The following DIP2A variants were observed in gnomAD, a reference collection of about 807,000 sequenced individuals.
DIP2A encodes the protein DIP2 acetate--CoA ligase A, also known as disco-interacting protein 2 homolog A.
Under a neutral mutation model 177.4 loss-of-function variants are expected in DIP2A, and 85 were observed. The observed-to-expected ratio is 0.48, with a 90% CI of 0.40 to 0.57. The LOEUF (loss-of-function observed/expected upper bound fraction) is 0.57. DIP2A is among the 20% of genes least tolerant of loss of function. DIP2A has a pLI of 0.00. For synonymous variants in DIP2A, 886 were observed against 881.8 expected (o/e 1.00, Z -0.08); for missense variants, 1,791 against 2,100.2 (o/e 0.85, Z 2.88).
At chr21:46,553,668 A>G (rs2060352389) in intron 25 of DIP2A, 1 of 154,286 alleles carries the variant, frequency 6.5e-6, no homozygotes, top group African/African-American at 2.4e-5. Flanking sequence ...ATGTTTGCTT[A>G]TCGCTTATTA....
At chr21:46,543,420 C>T (rs1312116341) in intron 18 of DIP2A, among the ~76,000 whole-genome samples, 3 of 152,108 alleles carry the variant, frequency 2.0e-5, no homozygotes, top group Admixed American at 6.5e-5. Flanking sequence ...TAGGCGTGCA[C>T]GCAGCACACC....
chr21:46,551,886 C>T lies in DIP2A; in HGVS notation c.3012C>T (p.Phe1004=). The change falls in exon 25 of 38, where the codon TTC becomes TTT. Residue 1004 remains phenylalanine, a synonymous_variant. Coordinates refer to ENST00000417564, the MANE Select transcript of DIP2A (RefSeq NM_015151.4). The part of the protein sequence containing the change: ...RAHTTPDHPL[F]LLLNAKGTVT... ...ACACCACTCCTGACCACCCGCTGTT[C>T]TTGCTGCTGAACGCCAAGGTGAGGC... 1 of 1,607,720 alleles carries T rather than the reference C, an allele frequency of 6.2e-7. No individual in the cohort carries two copies. Among genetic ancestry groups the T allele is most frequent in the Non-Finnish European group, 8.5e-7 (1 of 1,177,388 alleles).
chr21:46,499,813 G>A (rs1800101803), intron 5 of DIP2A, among the ~76,000 whole-genome samples: 1 of 151,966 alleles, frequency 6.6e-6, no homozygotes, highest in Admixed American at 6.6e-5. Flanking sequence ...TTTCCCAGAT[G>A]AGGAAGGAAG....
At chr21:46,554,018 C>T in intron 25 of DIP2A, 151 bp from the exon 26 acceptor site, 1 of 1,064,256 alleles carries the variant, frequency 9.4e-7, no homozygotes, top group Non-Finnish European at 1.3e-6. Context: ...AAGACACCAG[C>T]CGTACGTCTA....
chr21:46,553,808 C>T (rs2148879314), intron 25 of DIP2A: 1 of 177,274 alleles, frequency 5.6e-6, no homozygotes, highest in East Asian at 1.4e-4. Context: ...TGGGACCACA[C>T]AGGAGATACT....
chr21:46,465,590 T>C (rs767916575), intron 1 of DIP2A, among the ~76,000 whole-genome samples: 1 of 152,076 alleles, frequency 6.6e-6, no homozygotes, highest in Non-Finnish European at 1.5e-5. Flanking sequence ...CCAAAAGCAG[T>C]AATAGGGAAA....
intron 13 of DIP2A, among the ~76,000 whole-genome samples, chr21:46,534,973 T>C (rs2059503619): frequency 6.6e-6 from 1 of 152,214 alleles, no homozygotes; most frequent in South Asian, 2.1e-4. Context: ...TTATGGAACA[T>C]GGAACCTATA....
intron 8 of DIP2A, among the ~76,000 whole-genome samples, chr21:46,515,996 A>G (rs901830291): frequency 7.2e-5 from 11 of 152,100 alleles, no homozygotes; most frequent in Admixed American, 2.0e-4. Flanking sequence ...TTTGCTGGCA[A>G]CTTCATTTTT....
chr21:46,566,725 G>C, intron 37 of DIP2A, 42 bp downstream of exon 37: 1 of 1,612,152 alleles, frequency 6.2e-7, no homozygotes, highest in South Asian at 1.1e-5. Flanking sequence ...GGTCCCTCCA[G>C]CCCTTCCTCT....
intron 3 of DIP2A, among the ~76,000 whole-genome samples, chr21:46,492,595 G>T (rs1018416658): frequency 1.3e-5 from 2 of 152,090 alleles, no homozygotes; most frequent in Admixed American, 1.3e-4. Context: ...TTGGAGTTTG[G>T]TCCTTTGGGA....
intron 18 of DIP2A, among the ~76,000 whole-genome samples, chr21:46,543,884 C>G (rs956874679): frequency 1.3e-5 from 2 of 152,164 alleles, no homozygotes; most frequent in Non-Finnish European, 2.9e-5. Context: ...GCTGCATTCT[C>G]TCTGCAAAGT....
At chr21:46,465,716 A>G (rs2054763196) in intron 1 of DIP2A, among the ~76,000 whole-genome samples, 2 of 152,146 alleles carry the variant, frequency 1.3e-5, no homozygotes, top group Admixed American at 6.5e-5. Context: ...GGCTGCTTTC[A>G]CTTAAACAGA....
At chr21:46,528,998 A>G in intron 8 of DIP2A, 94 bp from the exon 9 acceptor site, 1 of 669,374 alleles carries the variant, frequency 1.5e-6, no homozygotes, top group Non-Finnish European at 2.4e-6. Context: ...TAATGGGGTA[A>G]TGGTATATTT....
chr21:46,507,405 A>G (rs868162748), intron 6 of DIP2A, among the ~76,000 whole-genome samples: 4 of 152,200 alleles, frequency 2.6e-5, no homozygotes, highest in African/African-American at 9.6e-5. Flanking sequence ...TCAGGTATGA[A>G]TCAAAGTTTA....
chr21:46,516,131 T>A (rs749020991), intron 8 of DIP2A, among the ~76,000 whole-genome samples: 2 of 152,132 alleles, frequency 1.3e-5, no homozygotes, highest in Non-Finnish European at 2.9e-5. Flanking sequence ...GCTTAAAAAG[T>A]GTTCTTTTTA....
intron 1 of DIP2A, among the ~76,000 whole-genome samples, chr21:46,480,668 A>G (rs977519769): frequency 6.6e-6 from 1 of 152,182 alleles, no homozygotes; most frequent in Non-Finnish European, 1.5e-5. Flanking sequence ...CAGCAAGGGA[A>G]AGGCCAATAC....
intron 1 of DIP2A, among the ~76,000 whole-genome samples, chr21:46,472,555 A>C (rs2055484750): frequency 6.6e-6 from 1 of 152,220 alleles, no homozygotes; most frequent in Non-Finnish European, 1.5e-5. Flanking sequence ...AGTTTCCTTG[A>C]GCTTTGTTTT....
At chr21:46,524,167 G>A (rs1365070385) in intron 8 of DIP2A, among the ~76,000 whole-genome samples, 2 of 152,204 alleles carry the variant, frequency 1.3e-5, no homozygotes, top group East Asian at 3.8e-4. Context: ...AGAGTGCAAG[G>A]CAGATGAATC....
chr21:46,504,017 TGCC>T (rs1177563561), intron 5 of DIP2A, among the ~76,000 whole-genome samples: 3 of 152,216 alleles, frequency 2.0e-5, no homozygotes, highest in Non-Finnish European at 4.4e-5. Context: ...TCAGCCACCA[TGCC>T]CAGCCCCTTG....
Sources: allele counts gnomAD v4.1 joint callset (sites outside exome capture counted in the v4.1 genomes callset), GRCh38; gene constraint gnomAD v4.1.1; transcripts MANE v1.5; gene names NCBI Gene and HGNC (gene_info 2026-07-23, HGNC 2026-07-21).